RYR2: variants seen among roughly 807,000 people sequenced by gnomAD.
The protein encoded by RYR2 is cardiac muscle ryanodine receptor-calcium release channel.
In RYR2, 227 loss-of-function variants were observed where a neutral mutation model predicts 601.1. The ratio of observed to expected loss-of-function variants is 0.38; its 90% CI spans 0.34 to 0.42. RYR2 has a LOEUF of 0.42. Ranked by LOEUF, RYR2 falls within the 10% of genes least tolerant of loss-of-function variation. The pLI, the probability that RYR2 is intolerant of heterozygous loss-of-function variation, is 1.00. For missense variants in RYR2, 4,646 were observed against 6,156.5 expected, an observed-to-expected ratio of 0.75 and a Z score of 8.21; for synonymous variants, 2,223 against 2,175.1, an observed-to-expected ratio of 1.02 and a Z score of -0.61.
chr1:237,426,806 A>G (rs10458441), intron 12 of RYR2, among the ~76,000 whole-genome samples: 126,623 of 152,192 alleles, frequency 0.83, 53,342 homozygotes, highest in East Asian at 1. Context: ...GAGCTCAGGA[A>G]TTTGTGGCTG....
At chr1:237,070,127 C>A (rs528578686) in intron 1 of RYR2, among the ~76,000 whole-genome samples, 1 of 151,068 alleles carries the variant, frequency 6.6e-6, no homozygotes, top group Non-Finnish European at 1.5e-5. Context: ...ACCTCCCAGG[C>A]TCAAGTGATC....
chr1:237,569,983 C>T (rs142207533), intron 29 of RYR2, among the ~76,000 whole-genome samples: 1,585 of 152,050 alleles, frequency 0.01, 27 homozygotes, highest in African/African-American at 0.036. Context: ...TTTGGGAGGC[C>T]GAGGTGGATG....
intron 25 of RYR2, among the ~76,000 whole-genome samples, chr1:237,544,591 A>G (rs780283414): frequency 3.3e-5 from 5 of 152,170 alleles, no homozygotes; most frequent in African/African-American, 4.8e-5. Context: ...ATTACATTTG[A>G]TTCAAAGGCT....
intron 38 of RYR2, among the ~76,000 whole-genome samples, chr1:237,623,462 C>CG (rs1559129895): frequency 6.9e-6 from 1 of 144,522 alleles, no homozygotes; most frequent in Admixed American, 7.1e-5. Context: ...GGCACAATCT[C>CG]GGCTCACTGC....
chr1:237,541,152 T>C (rs1224098798), intron 25 of RYR2, among the ~76,000 whole-genome samples: 1 of 152,188 alleles, frequency 6.6e-6, no homozygotes, highest in Non-Finnish European at 1.5e-5. Flanking sequence ...CCTTAGATAC[T>C]CTTTTTGTGT....
At chr1:237,766,265 G>T (rs2149295408) in intron 84 of RYR2, among the ~76,000 whole-genome samples, 1 of 152,206 alleles carries the variant, frequency 6.6e-6, no homozygotes, top group East Asian at 1.9e-4. Flanking sequence ...ATTGTTAAAT[G>T]ATCCACCTAG....
intron 1 of RYR2, among the ~76,000 whole-genome samples, chr1:237,265,345 G>A (rs1388779291): frequency 2.6e-5 from 4 of 152,030 alleles, no homozygotes; most frequent in East Asian, 3.9e-4. Flanking sequence ...TTTTTTGAGC[G>A]GGATCTTGCT....
chr1:237,610,913 G>A lies in RYR2; in HGVS notation c.4835G>A (p.Ser1612Asn). ...TTGAAGGTAGATGTGTCTCGAATAA[G>A]TGAACGCCAAGGCTGGTTGGTGCAG... The part of the protein sequence containing the change: ...QFLKVDVSRI[S>N]ERQGWLVQCL... The change falls in exon 36 of 105, where the codon AGT (serine) becomes AAT (asparagine). Residue 1612 changes from serine to asparagine, a missense_variant. Coordinates refer to ENST00000366574, the MANE Select transcript of RYR2 (RefSeq NM_001035.3). The surrounding 1 kb of genome is among the most constrained non-coding windows in gnomAD (Gnocchi z 4.9). The A allele has an allele frequency of 6.2e-7, 1 of 1,613,540 alleles. No individual in the cohort carries two copies.
intron 2 of RYR2, among the ~76,000 whole-genome samples, chr1:237,304,648 C>T (rs747556467): frequency 3.3e-5 from 5 of 152,114 alleles, no homozygotes; most frequent in African/African-American, 4.8e-5. Flanking sequence ...AAGGTTTTCT[C>T]TTGGCATTTA....
rs776614601 is a variant in RYR2 at position 237,625,814 on chromosome 1, A to G, written c.6166+10A>G. On this transcript the variant is annotated intron_variant, in intron 40 of 104. Coordinates refer to ENST00000366574, the MANE Select transcript of RYR2 (RefSeq NM_001035.3). ...GACTCCAAAAAGTCCTGTAAGCAGT[A>G]TGAGAGTGCACTGGCAGAATGACCC... The G allele has an allele frequency of 2.5e-6, 4 of 1,612,596 alleles. No homozygotes were observed. Among genetic ancestry groups the G allele is most frequent in the Middle Eastern group, 1.6e-4 (1 of 6,084 alleles).
In RYR2 at chr1:237,173,844, C is replaced by T. The variant is rs575597506; in HGVS notation, c.49-96653C>T. 5.8e-4 allele frequency among the ~76,000 whole-genome samples: 70 copies of T among 121,630 alleles called. 1 individual carries two copies. The highest frequency in any genetic ancestry group is 1.6e-3 in the African/African-American group (65 of 40,604). 79.8% of individuals were successfully genotyped at this position (121,630 alleles called of 152,430 possible). A position where few individuals can be genotyped will look rare whatever the true frequency, so the allele number is the denominator to read the frequency against. On this transcript the variant is annotated intron_variant, in intron 1 of 104. Transcript: ENST00000366574. ...GGCCGAGGCGGGCAGATCACGAGGT[C>T]AGGAGATCGAGACCATCCTGGCTAA... is the stretch of plus-strand genomic sequence containing the variant.
chr1:237,636,344 A>G (rs780054945), intron 44 of RYR2, among the ~76,000 whole-genome samples: 1 of 152,160 alleles, frequency 6.6e-6, no homozygotes, highest in Non-Finnish European at 1.5e-5. Context: ...CACTTAGTGC[A>G]TGGCTGTTGA....
chr1:237,106,594 G>A lies in RYR2; in HGVS notation c.48+64025G>A, dbSNP rs1438440528. 2.0e-5 allele frequency among the ~76,000 whole-genome samples: 3 copies of A among 152,208 alleles called. No individual in the cohort carries two copies. The highest frequency in any genetic ancestry group is 4.4e-5 in the Non-Finnish European group (3 of 68,046). On this transcript the variant is annotated intron_variant, in intron 1 of 104. Coordinates refer to ENST00000366574, the MANE Select transcript of RYR2 (RefSeq NM_001035.3). This position sits in a 1 kb window ranked among gnomAD's most constrained non-coding sequence, Gnocchi z 4.4. ...GTGGAGCTGCTGGGAGGTGGTTAGT[G>A]TGGACTTCTGGAGAGAGGGCTGAAA... is the stretch of plus-strand genomic sequence containing the variant.
intron 1 of RYR2, among the ~76,000 whole-genome samples, chr1:237,196,961 A>G (rs1041044555): frequency 6.6e-6 from 1 of 152,188 alleles, no homozygotes; most frequent in African/African-American, 2.4e-5. Flanking sequence ...TTTTATAATT[A>G]TATTAAAAAA....
Position 237,194,464 on chromosome 1 carries a change from G to A in RYR2, c.49-76033G>A, listed in dbSNP as rs1302718718. 5.3e-5 allele frequency among the ~76,000 whole-genome samples: 8 copies of A among 152,312 alleles called. 1 individual carries two copies. The South Asian group carries it at 8.3e-4, about 16-fold the overall frequency. On this transcript the variant is annotated intron_variant, in intron 1 of 104. Coordinates refer to ENST00000366574, the MANE Select transcript of RYR2 (RefSeq NM_001035.3). ...GTAGGCCTGGGAATATTGAGCAGTGGTGGCAAGTCCAGGAGAACAAGGGGC... is the reference window on the plus strand; with the variant it reads ...GTAGGCCTGGGAATATTGAGCAGTGATGGCAAGTCCAGGAGAACAAGGGGC...
chr1:237,053,280 A>T (rs1006060418), intron 1 of RYR2, among the ~76,000 whole-genome samples: 1 of 152,214 alleles, frequency 6.6e-6, no homozygotes, highest in African/African-American at 2.4e-5. Flanking sequence ...TGTAGGTTCG[A>T]CGAAACGTCA....
chr1:237,337,006 T>C (rs1697306544), intron 3 of RYR2, among the ~76,000 whole-genome samples: 1 of 151,924 alleles, frequency 6.6e-6, no homozygotes, highest in Non-Finnish European at 1.5e-5. Flanking sequence ...ATCCCAGCAA[T>C]TTGGGAGGCT....
intron 17 of RYR2, among the ~76,000 whole-genome samples, chr1:237,485,288 A>T (rs1003431434): frequency 2.6e-5 from 4 of 152,200 alleles, no homozygotes. Context: ...GTTTAAACAG[A>T]ATGTGAGAAC....
At chr1:237,042,900 C>A (rs1660089258) in intron 1 of RYR2, among the ~76,000 whole-genome samples, 1 of 152,060 alleles carries the variant, frequency 6.6e-6, no homozygotes, top group Non-Finnish European at 1.5e-5. Flanking sequence ...ACGGCCGGTC[C>A]GGCCTGCCTG....
Sources: allele counts gnomAD v4.1 joint callset (sites outside exome capture counted in the v4.1 genomes callset), GRCh38; gene constraint gnomAD v4.1.1; non-coding constraint Gnocchi (gnomAD v3.1); transcripts MANE v1.5; gene names NCBI Gene and HGNC (gene_info 2026-07-23, HGNC 2026-07-21).